Variants in WWOX observed in about 807,000 individuals in gnomAD.
WWOX encodes WW domain-containing oxidoreductase.
In WWOX, 69 loss-of-function variants were observed where a neutral mutation model predicts 46.2. The observed-to-expected ratio is 1.49, with a 90% CI of 1.23 to 1.82. The LOEUF is 1.82. Among genes scored for constraint, WWOX ranks in the 40% most tolerant of loss-of-function variants. The pLI is 0.00. For missense variants in WWOX, 919 were observed against 542.6 expected (o/e 1.69, Z -6.89); for synonymous variants, 359 against 202.6 (o/e 1.77, Z -6.56).
intron 8 of WWOX, among the ~76,000 whole-genome samples, chr16:78,971,072 C>A (rs77379988): frequency 6.6e-6 from 1 of 151,898 alleles, no homozygotes. Flanking sequence ...TATATGTATA[C>A]ATATGTATAT....
At chr16:78,793,873 C>G (rs1049643902) in intron 8 of WWOX, among the ~76,000 whole-genome samples, 1 of 151,306 alleles carries the variant, frequency 6.6e-6, no homozygotes, top group Non-Finnish European at 1.5e-5. Flanking sequence ...GGCAGGAGTT[C>G]AAGACCTCCT....
chr16:78,814,152 G>A (rs756726634), intron 8 of WWOX, among the ~76,000 whole-genome samples: 19 of 152,124 alleles, frequency 1.2e-4, no homozygotes, highest in East Asian at 3.9e-4. Flanking sequence ...AGATCCTCCC[G>A]CTGCCGGCAA....
chr16:78,468,511 T>C (rs1413361476), intron 8 of WWOX, among the ~76,000 whole-genome samples: 1 of 152,190 alleles, frequency 6.6e-6, no homozygotes, highest in South Asian at 2.1e-4. Flanking sequence ...AAGGGTCATC[T>C]CATGGTCCAT....
chr16:78,788,636 T>C (rs2050516641), intron 8 of WWOX, among the ~76,000 whole-genome samples: 1 of 152,262 alleles, frequency 6.6e-6, no homozygotes, highest in African/African-American at 2.4e-5. Flanking sequence ...TTTTCATCTC[T>C]GTCCTTAGTA....
intron 8 of WWOX, among the ~76,000 whole-genome samples, chr16:79,201,633 A>G (rs1954594176): frequency 6.6e-6 from 1 of 152,200 alleles, no homozygotes; most frequent in African/African-American, 2.4e-5. Flanking sequence ...TCCAACCATT[A>G]AAAAGTTTAT....
chr16:78,802,037 C>T (rs544789269), intron 8 of WWOX, among the ~76,000 whole-genome samples: 180 of 152,126 alleles, frequency 1.2e-3, no homozygotes, highest in Non-Finnish European at 2.3e-3. Flanking sequence ...ACCATGGTGG[C>T]TTCTCCTGGC....
At chr16:78,618,276 T>C (rs1224828947) in intron 8 of WWOX, among the ~76,000 whole-genome samples, 1 of 152,178 alleles carries the variant, frequency 6.6e-6, no homozygotes, top group Non-Finnish European at 1.5e-5. Context: ...TTGTTTTATT[T>C]TGCTTGGGCT....
At chr16:78,874,792 C>T (rs1408642243) in intron 8 of WWOX, among the ~76,000 whole-genome samples, 3 of 149,040 alleles carry the variant, frequency 2.0e-5, no homozygotes, top group Non-Finnish European at 3.0e-5. Context: ...CTACACAGGC[C>T]TTCTACATAG....
At chr16:78,753,825 A>AAAT (rs2049556906) in intron 8 of WWOX, among the ~76,000 whole-genome samples, 15 of 21,364 alleles carry the variant, frequency 7.0e-4, no homozygotes, top group South Asian at 3.4e-3. Context: ...AAAAAAAAAA[A>AAAT]ATATATATAT....
intron 8 of WWOX, among the ~76,000 whole-genome samples, chr16:78,483,512 A>C (rs998902870): frequency 4.0e-5 from 6 of 151,180 alleles, no homozygotes; most frequent in African/African-American, 1.5e-4. Flanking sequence ...TAAGATTTAT[A>C]ATGTATTTGT....
chr16:78,585,045 A>C (rs578174861), intron 8 of WWOX, among the ~76,000 whole-genome samples: 1 of 152,104 alleles, frequency 6.6e-6, no homozygotes, highest in Non-Finnish European at 1.5e-5. Context: ...TGAGGCCTCC[A>C]CCCCTGGCCT....
At chr16:78,832,695 G>C (rs1406331645) in intron 8 of WWOX, among the ~76,000 whole-genome samples, 1 of 152,124 alleles carries the variant, frequency 6.6e-6, no homozygotes, top group African/African-American at 2.4e-5. Context: ...TCTCAGGAGG[G>C]ATTGTGATTA....
rs565490195 is a variant in WWOX at position 78,743,099 on chromosome 16, G to A, written c.1056+310347G>A. Among the ~76,000 whole-genome samples, 25 of 152,090 alleles carry A rather than the reference G, an allele frequency of 1.6e-4. No individual in the cohort carries two copies. The East Asian group carries it at 2.1e-3, about 13-fold the overall frequency. On this transcript the variant is annotated intron_variant, in intron 8 of 8. Transcript: ENST00000566780. ...CGATCAGCCCCCGAAGGAAACATCC[G>A]TCTCTCTCCTTGGAGGAGACACTTG...
At chr16:78,494,099 AG>A (rs145487747) in intron 8 of WWOX, among the ~76,000 whole-genome samples, 2,130 of 152,288 alleles carry the variant, frequency 0.014, 54 homozygotes, top group Admixed American at 0.042. Context: ...CAGAAGGTGA[AG>A]GGGAAGCAGG....
intron 8 of WWOX, among the ~76,000 whole-genome samples, chr16:79,093,531 C>G (rs57584823): frequency 0.27 from 40,655 of 151,574 alleles, 6,469 homozygotes; most frequent in East Asian, 0.74. Context: ...AGTCATTTAA[C>G]AGTCACAGTG....
intron 8 of WWOX, among the ~76,000 whole-genome samples, chr16:78,692,777 G>C (rs1290107374): frequency 5.9e-5 from 9 of 152,196 alleles, no homozygotes; most frequent in Admixed American, 5.9e-4. Flanking sequence ...TTTCCCTGTT[G>C]GGGGTACTGA....
At chr16:79,143,178 G>T (rs151006997) in intron 8 of WWOX, among the ~76,000 whole-genome samples, 2 of 152,330 alleles carry the variant, frequency 1.3e-5, no homozygotes, top group African/African-American at 4.8e-5. Flanking sequence ...GGTAGCTGCA[G>T]ATTTTATAGT....
In WWOX at chr16:79,021,647, G is replaced by A. The variant is rs546723842; in HGVS notation, c.1057-189961G>A. 3.9e-5 allele frequency among the ~76,000 whole-genome samples: 6 copies of A among 152,244 alleles called. No individual in the cohort carries two copies. The South Asian group carries it at 8.3e-4, about 21-fold the overall frequency. ...GGAAAATATCTGTGATTTCGATTGC[G>A]ACAAACACACAGATGCTTCTCACAC... On this transcript the variant is annotated intron_variant, in intron 8 of 8. Transcript: ENST00000566780.
rs941311575 is a variant in WWOX, at chr16:78,710,498, A to ATATATATATATATATATATATT, written c.1056+277747_1056+277748insATATATATATATATATATATTT. 7.4e-4 allele frequency among the ~76,000 whole-genome samples: 98 copies of ATATATATATATATATATATATT among 132,764 alleles called. 1 individual carries two copies. The highest frequency in any genetic ancestry group is 2.7e-3 in the African/African-American group (95 of 34,886). The allele number at this position is 132,764 out of a possible 152,430, so 87.1% of individuals were successfully genotyped here. A position where few individuals can be genotyped will look rare whatever the true frequency, so the allele number is the denominator to read the frequency against. ...CATATATATATATATATATATATAT[A>ATATATATATATATATATATATT]TTTATATAAATATATTTTATATTTA... On this transcript the variant is annotated intron_variant, in intron 8 of 8. Coordinates refer to ENST00000566780, the MANE Select transcript of WWOX (RefSeq NM_016373.4).
Sources: allele counts gnomAD v4.1 joint callset (sites outside exome capture counted in the v4.1 genomes callset), GRCh38; gene constraint gnomAD v4.1.1; transcripts MANE v1.5; gene names NCBI Gene and HGNC (gene_info 2026-07-23, HGNC 2026-07-21).